DYNC2H1: variants seen among roughly 807,000 people sequenced by gnomAD.
The protein encoded by DYNC2H1 is dynein cytoplasmic 2 heavy chain 1.
DYNC2H1 carries 410 observed loss-of-function variants against 570.0 expected under a neutral mutation model. The ratio of observed to expected loss-of-function variants is 0.72; its 90% confidence interval spans 0.66 to 0.78. The LOEUF is 0.78. Ranked by LOEUF, DYNC2H1 falls within the 30% of genes least tolerant of loss-of-function variation. The pLI, the probability that DYNC2H1 is intolerant of heterozygous loss-of-function variation, is 0.00. For missense variants in DYNC2H1, 4,865 were observed against 5,046.4 expected, an observed-to-expected ratio of 0.96 and a Z score of 1.09; for synonymous variants, 1,688 against 1,677.6, an observed-to-expected ratio of 1.01 and a Z score of -0.15.
rs1565485840 is a variant in DYNC2H1, at chr11:103,311,920, T to A, written c.11536T>A (p.Ser3846Thr). The A allele has an allele frequency of 1.2e-6, 2 of 1,613,572 alleles. No homozygotes were observed. Among genetic ancestry groups the A allele is most frequent in the Middle Eastern group, 1.7e-4 (1 of 6,054 alleles). ...GAAGAATTTAATGCGTACTTATGAGTCTTGGACTCCTGAGCAAATTAGCAA... is the reference window on the plus strand; with the variant it reads ...GAAGAATTTAATGCGTACTTATGAGACTTGGACTCCTGAGCAAATTAGCAA... ...LKKNLMRTYE[S>T]WTPEQISKKD... The change falls in exon 79 of 89, where the codon TCT becomes ACT. Residue 3846 changes from serine (S) to threonine (T), a missense_variant. Ser to Thr is a moderately conservative substitution (Grantham distance 58). Transcript: ENST00000375735.
chr11:103,111,007 G>T (rs572010690), intron 1 of DYNC2H1, among the ~76,000 whole-genome samples: 2 of 152,234 alleles, frequency 1.3e-5, no homozygotes, highest in South Asian at 2.1e-4. Flanking sequence ...TTTGCAATTA[G>T]TAGAAATGGG....
intron 87 of DYNC2H1, among the ~76,000 whole-genome samples, chr11:103,457,723 C>T (rs1944846545): frequency 1.3e-5 from 2 of 152,032 alleles, no homozygotes; most frequent in South Asian, 4.1e-4. Context: ...GATCCTTCTG[C>T]CTTGGCCTCC....
In DYNC2H1 at chr11:103,239,642, A is replaced by AGT. The variant is rs140380392; in HGVS notation, c.9819+3138_9819+3139dup. 0.039 allele frequency among the ~76,000 whole-genome samples: 5,498 copies of AGT among 140,056 alleles called. 131 individuals carry two copies. Among genetic ancestry groups the AGT allele is most frequent in the African/African-American group, 0.078 (2,969 of 37,872 alleles). 91.9% of individuals were successfully genotyped at this position (140,056 alleles called of 152,430 possible). A position where few individuals can be genotyped will look rare whatever the true frequency, so the allele number is the denominator to read the frequency against. On this transcript the variant is annotated intron_variant, in intron 63 of 88. Transcript: ENST00000375735. This position sits in a 1 kb window ranked among gnomAD's most constrained non-coding sequence, Gnocchi z 4.3. ...CTCCTGTCTATACACTTCTCATAGGAGTGTGTGTGTGTGTGTGTGTGTGTG... is the reference window on the plus strand; with the variant it reads ...CTCCTGTCTATACACTTCTCATAGGAGTGTGTGTGTGTGTGTGTGTGTGTGTG...
rs377671516 is a variant in DYNC2H1, at chr11:103,282,225, A to C, written c.10808A>C (p.Lys3603Thr). ...TGVVVGDMLRKADSQQKIRDQ... is the reference protein window; with the variant it reads ...TGVVVGDMLRTADSQQKIRDQ... ...GTGGTTGTTGGAGACATGTTACGGAAAGCTGTAAGTTAAAATAACAAAATC... is the reference window on the plus strand; with the variant it reads ...GTGGTTGTTGGAGACATGTTACGGACAGCTGTAAGTTAAAATAACAAAATC... Residue 3603 changes from lysine to threonine, a missense_variant, in exon 72 of 89, where the codon AAA (lysine) becomes ACA (threonine). By Grantham distance (78) the Lys-to-Thr change is moderately conservative (BLOSUM62 -1). Transcript: ENST00000375735. 78 of 1,608,148 alleles carry C rather than the reference A, an allele frequency of 4.9e-5. No individual in the cohort carries two copies. The highest frequency in any genetic ancestry group is 6.5e-5 in the Non-Finnish European group (76 of 1,177,638).
intron 83 of DYNC2H1, among the ~76,000 whole-genome samples, chr11:103,387,186 T>C (rs1479267419): frequency 6.6e-5 from 10 of 152,148 alleles, no homozygotes; most frequent in Non-Finnish European, 1.2e-4. Context: ...TTTTAATGAT[T>C]GACATTCTAA....
chr11:103,332,053 G>C (rs1449893803), intron 82 of DYNC2H1, among the ~76,000 whole-genome samples: 3 of 149,830 alleles, frequency 2.0e-5, no homozygotes, highest in Non-Finnish European at 4.4e-5. Context: ...GGGTGACAAA[G>C]CGAGACTCCA....
intron 18 of DYNC2H1, among the ~76,000 whole-genome samples, chr11:103,144,599 A>T (rs1860141307): frequency 1.3e-5 from 2 of 152,206 alleles, no homozygotes; most frequent in South Asian, 4.1e-4. Flanking sequence ...TGAAATTGTT[A>T]TTAGAGTTAA....
At chr11:103,197,367 G>T (rs544880006) in intron 47 of DYNC2H1, among the ~76,000 whole-genome samples, 51 of 152,116 alleles carry the variant, frequency 3.4e-4, no homozygotes, top group South Asian at 1.0e-3. Context: ...GAAGTGAGGG[G>T]GCAGAATATA....
intron 85 of DYNC2H1, among the ~76,000 whole-genome samples, chr11:103,437,140 G>C (rs1285523758): frequency 6.6e-6 from 1 of 152,106 alleles, no homozygotes; most frequent in Non-Finnish European, 1.5e-5. Context: ...TTCCTTAGCA[G>C]AGCACCTTAC....
intron 83 of DYNC2H1, among the ~76,000 whole-genome samples, chr11:103,391,173 T>C (rs1326882825): frequency 1.3e-5 from 2 of 152,202 alleles, no homozygotes; most frequent in East Asian, 1.9e-4. Flanking sequence ...TAGTCCCATA[T>C]TTCTTGGAGG....
chr11:103,142,859 CAT>C (rs1860026558), intron 17 of DYNC2H1, among the ~76,000 whole-genome samples: 1 of 152,148 alleles, frequency 6.6e-6, no homozygotes, highest in Non-Finnish European at 1.5e-5. Context: ...GATGCTGAGA[CAT>C]ATGACTGAAA....
chr11:103,251,732 T>C (rs907575076), intron 65 of DYNC2H1, among the ~76,000 whole-genome samples: 7 of 152,186 alleles, frequency 4.6e-5, no homozygotes, highest in Admixed American at 4.6e-4. Flanking sequence ...AATACTGTTT[T>C]ATTCTCTGTC....
In DYNC2H1 at chr11:103,321,102, C is replaced by A; in HGVS notation, c.11799C>A (p.Asn3933Lys). 6.2e-7 allele frequency: 1 copy of A among 1,612,682 alleles called. No homozygotes were observed. The highest frequency in any genetic ancestry group is 8.5e-7 in the Non-Finnish European group (1 of 1,179,316). The change falls in exon 81 of 89, where the codon AAC (asparagine) becomes AAA (lysine). Residue 3933 changes from asparagine to lysine, a missense_variant. By Grantham distance (94) the Asn-to-Lys change is moderately conservative. Around this residue, in one of 5 missense-constraint regions of DYNC2H1, gnomAD observed 2,401 missense variants for 2,454.6 expected, o/e 0.98. Transcript: ENST00000375735. Reference protein sequence around the residue: ...ENAIYGGRIDNYFDLRVLQSY... With the variant: ...ENAIYGGRIDKYFDLRVLQSY... ...CTATTTATGGAGGACGTATAGACAA[C>A]TATTTTGACCTTAGAGTTCTTCAGT...
chr11:103,113,977 T>C, intron 2 of DYNC2H1, 126 bp from the exon 3 acceptor site: 1 of 1,147,164 alleles, frequency 8.7e-7, no homozygotes, highest in South Asian at 1.5e-5. Context: ...GACTTTTTAT[T>C]CTTCTTATGA....
intron 70 of DYNC2H1, among the ~76,000 whole-genome samples, chr11:103,276,403 G>GT (rs1354637262): frequency 1.3e-5 from 2 of 151,934 alleles, no homozygotes; most frequent in African/African-American, 4.8e-5. Context: ...AATACTAGAT[G>GT]TAAAGTATTA....
chr11:103,304,622 T>G lies in DYNC2H1; in HGVS notation c.11284T>G (p.Leu3762Val). The change falls in exon 77 of 89, where the codon TTA becomes GTA. Residue 3762 changes from leucine to valine, a missense_variant. Transcript: ENST00000375735. ...TGCCATGGGTCAAGGTCAAGCTGATTTAGCAATTCAAATGCTAAAAGAATG... is the reference window on the plus strand; with the variant it reads ...TGCCATGGGTCAAGGTCAAGCTGATGTAGCAATTCAAATGCTAAAAGAATG... Reference protein sequence around the residue: ...QVAMGQGQADLAIQMLKECAR... With the variant: ...QVAMGQGQADVAIQMLKECAR... The G allele has an allele frequency of 6.2e-7, 1 of 1,613,300 alleles. No homozygotes were observed. Among genetic ancestry groups the G allele is most frequent in the Non-Finnish European group, 8.5e-7 (1 of 1,179,476 alleles).
At position 103,243,627 on chromosome 11, in the gene DYNC2H1, C is replaced by A; in HGVS notation, c.9820-66C>A. 1 of 1,192,652 alleles carries A rather than the reference C, an allele frequency of 8.4e-7. No homozygotes were observed. The allele number at this position is 1,192,652 out of a possible 1,614,324, so 73.9% of individuals were successfully genotyped here. On this transcript the variant is annotated intron_variant, in intron 63 of 88. Transcript: ENST00000375735. This position sits in a 1 kb window ranked among gnomAD's most constrained non-coding sequence, Gnocchi z 4.8. ...TAATTGATTTATAATTTCTAGAAAA[C>A]TATTTCCATTTAAATGAAAGCTTAT...
At position 103,411,180 on chromosome 11, in the gene DYNC2H1, G is replaced by A. The variant is rs191829777; in HGVS notation, c.12366+11308G>A. On this transcript the variant is annotated intron_variant, in intron 84 of 88. Coordinates refer to ENST00000375735, the MANE Select transcript of DYNC2H1 (RefSeq NM_001377.3). ...ATATGAGGAAAGAAGAAATAAGTAA[G>A]TATAAACCGTCATTTACAGTTCTAG... is the stretch of plus-strand genomic sequence containing the variant. 1.3e-4 allele frequency among the ~76,000 whole-genome samples: 20 copies of A among 152,240 alleles called. No individual in the cohort carries two copies. The South Asian group carries it at 2.1e-3, about 16-fold the overall frequency.
At chr11:103,351,650 A>G (rs910812413) in intron 82 of DYNC2H1, among the ~76,000 whole-genome samples, 1 of 152,190 alleles carries the variant, frequency 6.6e-6, no homozygotes, top group Non-Finnish European at 1.5e-5. Context: ...GTTGAACCAT[A>G]TATTCAGTGT....
Sources: gnomAD v4.1 joint callset for allele counts (sites outside exome capture counted in the v4.1 genomes callset) on GRCh38, gnomAD v4.1.1 for gene constraint, gnomAD v4.1.1 regional missense constraint, Gnocchi (gnomAD v3.1) non-coding constraint, MANE v1.5 for transcripts, NCBI Gene and HGNC (gene_info 2026-07-23, HGNC 2026-07-21) for gene names.